The following EIF3L variants were observed in gnomAD, a reference collection of about 807,000 sequenced individuals.
The protein encoded by EIF3L is eukaryotic translation initiation factor 3 subunit L.
In EIF3L, 32 loss-of-function variants were observed where a neutral mutation model predicts 74.6. That is an observed-to-expected ratio of 0.43 (90% CI 0.32 to 0.58). EIF3L has a LOEUF of 0.58. Ranked by LOEUF, EIF3L falls within the 20% of genes least tolerant of loss-of-function variation. The pLI, the probability that EIF3L is intolerant of heterozygous loss-of-function variation, is 0.06. For missense variants in EIF3L, 474 were observed against 707.8 expected (o/e 0.67, Z 3.75); for synonymous variants, 256 against 254.4 (o/e 1.01, Z -0.06).
At chr22:37,872,649 C>T (rs1346172479) in intron 8 of EIF3L, among the ~76,000 whole-genome samples, 2 of 152,130 alleles carry the variant, frequency 1.3e-5, no homozygotes, top group Non-Finnish European at 2.9e-5. Flanking sequence ...GATGGGGTCT[C>T]ACTCTGTCAC....
rs1397172182 is a variant in EIF3L, at chr22:37,877,859, G to C, written c.1263G>C (p.Leu421=). 1 of 1,613,642 alleles carries C rather than the reference G, an allele frequency of 6.2e-7. No individual in the cohort carries two copies. Among genetic ancestry groups the C allele is most frequent in the Non-Finnish European group, 8.5e-7 (1 of 1,179,862 alleles). ...TCAGTTACTCCTGCCCCAAGTTCCT[G>C]TCGCCTGTAGTGCCCAACTATGATA... is the stretch of plus-strand genomic sequence containing the variant. ...ELFSYSCPKF[L]SPVVPNYDNV... Residue 421 remains leucine (L), a synonymous_variant, in exon 11 of 13, where the codon CTG becomes CTC. Transcript: ENST00000652021.
At chr22:37,885,511 C>T (rs1433336111) in intron 11 of EIF3L, 1 of 151,658 alleles carries the variant, frequency 6.6e-6, no homozygotes, top group Middle Eastern at 3.4e-3. Flanking sequence ...AGATTTAGAA[C>T]GTTCTTAGAT....
intron 7 of EIF3L, among the ~76,000 whole-genome samples, chr22:37,864,243 G>A (rs944689587): frequency 3.3e-5 from 5 of 152,146 alleles, no homozygotes; most frequent in Admixed American, 6.6e-5. Flanking sequence ...CTGTAGAGAC[G>A]AGGGTCTTGC....
chr22:37,875,876 C>T lies in EIF3L; in HGVS notation c.942C>T (p.Thr314=), dbSNP rs762812737. 1.2e-6 allele frequency: 2 copies of T among 1,613,848 alleles called. No homozygotes were observed. The highest frequency in any genetic ancestry group is 1.7e-6 in the Non-Finnish European group (2 of 1,179,992). The change falls in exon 10 of 13, where the codon ACC becomes ACT. Residue 314 remains threonine (T), a synonymous_variant. Transcript: ENST00000652021. ...MYSRVPECQV[T]TYYYVGFAYL... ...CCCGTGTGCCAGAGTGCCAGGTCAC[C>T]ACATACTATTATGTTGGGTTTGCAT... is the stretch of plus-strand genomic sequence containing the variant.
At chr22:37,868,634 CTTTTTTTTTTTT>C (rs71195065) in intron 7 of EIF3L, among the ~76,000 whole-genome samples, 3,870 of 25,120 alleles carry the variant, frequency 0.15, 404 homozygotes, top group South Asian at 0.27. Context: ...TGTTTTGGTG[CTTTTTTTTTTTT>C]TTTTTTTTTT....
intron 5 of EIF3L, among the ~76,000 whole-genome samples, chr22:37,859,138 T>G (rs548043194): frequency 5.0e-4 from 76 of 151,790 alleles, no homozygotes; most frequent in Admixed American, 1.5e-3. Flanking sequence ...CCAAGCACAA[T>G]GCTAGGCACT....
chr22:37,884,503 A>G (rs1427442071), intron 11 of EIF3L: 3 of 152,168 alleles, frequency 2.0e-5, no homozygotes, highest in East Asian at 1.9e-4. Context: ...TTTAAAATAA[A>G]TACTCTCATT....
intron 7 of EIF3L, among the ~76,000 whole-genome samples, chr22:37,868,247 T>G (rs61071873): frequency 0.044 from 6,570 of 149,728 alleles, 478 homozygotes; most frequent in African/African-American, 0.15. Flanking sequence ...CCCAAGTATC[T>G]GGATTACAGG....
chr22:37,849,489 TGGCCGTAAGGGCGC>T lies in EIF3L; in HGVS notation c.33+10_33+23del, dbSNP rs774186946. 4 of 1,591,176 alleles carry T rather than the reference TGGCCGTAAGGGCGC, an allele frequency of 2.5e-6. No homozygotes were observed. In the East Asian group the frequency reaches 9.2e-5, roughly 36 times the overall value. ...TGATGATTATGAGTCTGAGGTAAGGTGGCCGTAAGGGCGCGGTGGGCTCCACGACGGGGTGATCT... is the reference window on the plus strand; with the variant it reads ...TGATGATTATGAGTCTGAGGTAAGGTGGTGGGCTCCACGACGGGGTGATCT... On this transcript the variant is annotated splice_region_variant and intron_variant, in intron 1 of 12. Transcript: ENST00000652021.
chr22:37,867,777 AC>A (rs1160427200), intron 7 of EIF3L, among the ~76,000 whole-genome samples: 3 of 151,480 alleles, frequency 2.0e-5, no homozygotes, highest in African/African-American at 2.4e-5. Flanking sequence ...ACACGGTGAA[AC>A]CCCGTCTCTA....
chr22:37,876,492 G>A (rs1926760222), intron 10 of EIF3L: 2 of 152,174 alleles, frequency 1.3e-5, no homozygotes, highest in Non-Finnish European at 2.9e-5. Context: ...GTAGAGATGG[G>A]GTTTCACTAT....
chr22:37,869,558 C>T (rs1163370879), intron 7 of EIF3L, among the ~76,000 whole-genome samples: 1 of 152,128 alleles, frequency 6.6e-6, no homozygotes, highest in East Asian at 1.9e-4. Flanking sequence ...TGTTGTGTTC[C>T]ATCTGTGTGA....
In EIF3L at chr22:37,858,219, C is replaced by CTTTTTTTTTTTTT. The variant is rs549425262; in HGVS notation, c.374-447_374-435dup. ...TCTGAAATTAATATTTTCTTTCTTC[C>CTTTTTTTTTTTTT]TTTTTTTTTTTTTTTTTTTTTTTTT... On this transcript the variant is annotated intron_variant, in intron 4 of 12. Coordinates refer to ENST00000652021, the MANE Select transcript of EIF3L (RefSeq NM_016091.4). Among the ~76,000 whole-genome samples, 19 of 85,100 alleles carry CTTTTTTTTTTTTT rather than the reference C, an allele frequency of 2.2e-4. 2 individuals carry two copies. The highest frequency in any genetic ancestry group is 7.3e-4 in the African/African-American group (15 of 20,566). 55.8% of individuals were successfully genotyped at this position (85,100 alleles called of 152,430 possible). A position where few individuals can be genotyped will look rare whatever the true frequency, so the allele number is the denominator to read the frequency against.
chr22:37,855,725 G>T, intron 4 of EIF3L, 81 bp downstream of exon 4: 1 of 1,254,918 alleles, frequency 8.0e-7, no homozygotes, highest in Non-Finnish European at 1.1e-6. Context: ...AAGAGGGTCT[G>T]TGTCTGTTTT....
At chr22:37,849,896 G>C (rs1331571166) in intron 1 of EIF3L, 119 bp from the exon 2 acceptor site, 6 of 1,079,326 alleles carry the variant, frequency 5.6e-6, no homozygotes, top group Non-Finnish European at 7.1e-6. Flanking sequence ...CTCAAAGGCA[G>C]GCACAGTGTC....
rs71195065 is a variant in EIF3L, at chr22:37,868,634, CTTTTTTTT to C, written c.580-1524_580-1517del. 2.6e-3 allele frequency among the ~76,000 whole-genome samples: 65 copies of C among 25,130 alleles called. 2 individuals carry two copies. The highest frequency in any genetic ancestry group is 8.7e-3 in the African/African-American group (61 of 7,006). The allele number at this position is 25,130 out of a possible 152,430, so 16.5% of individuals were successfully genotyped here. The stretch of plus-strand genomic sequence containing the variant: ...ACACCTGGCTATTTTTGTTTTGGTG[CTTTTTTTT>C]TTTTTTTTTTTTTTTTTGAGACGGA... On this transcript the variant is annotated intron_variant, in intron 7 of 12. Transcript: ENST00000652021.
chr22:37,861,374 T>C (rs930262961), intron 5 of EIF3L, among the ~76,000 whole-genome samples: 1 of 152,150 alleles, frequency 6.6e-6, no homozygotes, highest in Non-Finnish European at 1.5e-5. Flanking sequence ...GATCTCTGAC[T>C]ACTTTATCTG....
chr22:37,867,924 C>T (rs1224620007), intron 7 of EIF3L, among the ~76,000 whole-genome samples: 3 of 140,476 alleles, frequency 2.1e-5, no homozygotes, highest in Admixed American at 7.5e-5. Context: ...CACTGCACTC[C>T]AGCCTCGGAG....
chr22:37,874,340 A>G (rs747735500), intron 8 of EIF3L, 30 bp from the exon 9 acceptor site: 11 of 1,604,796 alleles, frequency 6.9e-6, no homozygotes, highest in South Asian at 1.1e-5. Context: ...CCTGCCTCCT[A>G]TCAGTATTCA....
Sources: gnomAD v4.1 joint callset for allele counts (sites outside exome capture counted in the v4.1 genomes callset) on GRCh38, gnomAD v4.1.1 for gene constraint, MANE v1.5 for transcripts, NCBI Gene and HGNC (gene_info 2026-07-23, HGNC 2026-07-21) for gene names.